The following SOX5 variants were observed in gnomAD, a reference collection of about 807,000 sequenced individuals.
SOX5 encodes SRY-box transcription factor 5.
In SOX5, 9 loss-of-function variants were observed where a neutral mutation model predicts 92.0. The ratio of observed to expected loss-of-function variants is 0.10; its 90% CI spans 0.06 to 0.17. SOX5 has a LOEUF of 0.17. Among genes scored for constraint, SOX5 ranks in the 10% least tolerant of loss-of-function variants. The pLI, the probability that SOX5 is intolerant of heterozygous loss-of-function variation, is 1.00. For missense variants in SOX5, 642 were observed against 944.5 expected (o/e 0.68, Z 4.20); for synonymous variants, 344 against 336.3 (o/e 1.02, Z -0.25).
Position 24,148,688 on chromosome 12 carries a change from TAAAA to T in SOX5, c.-2+64651_-2+64654del, listed in dbSNP as rs398018872. On this transcript the variant is annotated intron_variant, in intron 4 of 4. Coordinates refer to the SOX5 transcript ENST00000446891. The stretch of plus-strand genomic sequence containing the variant: ...AACATAGTGAGACCCCCATCTCTAC[TAAAA>T]AAAAAAAAAAAAAAAAAAAAAAAAG... 2.3e-3 allele frequency among the ~76,000 whole-genome samples: 161 copies of T among 70,934 alleles called. 1 individual carries two copies. Among genetic ancestry groups the T allele is most frequent in the African/African-American group, 0.012 (140 of 11,614 alleles). The allele number at this position is 70,934 out of a possible 152,430, so 46.5% of individuals were successfully genotyped here.
chr12:24,048,888 A>G (rs533663712), intron 4 of SOX5, among the ~76,000 whole-genome samples: 37 of 152,326 alleles, frequency 2.4e-4, no homozygotes, highest in African/African-American at 8.7e-4. Context: ...GTGACTGTTA[A>G]TAAGCATGGG....
chr12:24,128,065 A>G (rs1949284163), intron 4 of SOX5, among the ~76,000 whole-genome samples: 1 of 152,100 alleles, frequency 6.6e-6, no homozygotes, highest in Admixed American at 6.5e-5. Flanking sequence ...TAAGCATTCA[A>G]CCTCAGTTAA....
intron 3 of SOX5, among the ~76,000 whole-genome samples, chr12:23,828,185 G>A (rs2096262466): frequency 6.6e-6 from 1 of 152,140 alleles, no homozygotes; most frequent in African/African-American, 2.4e-5. Context: ...TACTGTACAG[G>A]CTTGGAGCCT....
chr12:24,241,456 G>C (rs547318541), intron 3 of SOX5, among the ~76,000 whole-genome samples: 2 of 152,204 alleles, frequency 1.3e-5, no homozygotes, highest in African/African-American at 4.8e-5. Flanking sequence ...TCCTGGCCAG[G>C]AGTATGTCAA....
chr12:24,101,924 C>T (rs965731424), intron 4 of SOX5, among the ~76,000 whole-genome samples: 5 of 152,256 alleles, frequency 3.3e-5, no homozygotes, highest in Non-Finnish European at 5.9e-5. Flanking sequence ...CATCTGCATA[C>T]TGTTATCTTC....
intron 1 of SOX5, among the ~76,000 whole-genome samples, chr12:24,551,297 A>G (rs1490102887): frequency 2.0e-5 from 3 of 152,152 alleles, no homozygotes; most frequent in Admixed American, 1.3e-4. Flanking sequence ...GTGGATTTTC[A>G]TAACAGTAAA....
At chr12:24,551,887 T>C (rs1425324848) in intron 1 of SOX5, among the ~76,000 whole-genome samples, 9 of 152,250 alleles carry the variant, frequency 5.9e-5, no homozygotes, top group Non-Finnish European at 2.9e-5. Flanking sequence ...TCTCTCCTTC[T>C]GTGTGTTTTT....
chr12:24,526,038 C>T lies in SOX5; in HGVS notation c.-251+36291G>A, dbSNP rs530444200. ...AGCACGCACCACCATGCCCGGCTAACTTTTGTACTTTCTGTAGAGACAGGA... is the reference window on the plus strand; with the variant it reads ...AGCACGCACCACCATGCCCGGCTAATTTTTGTACTTTCTGTAGAGACAGGA... On this transcript the variant is annotated intron_variant, in intron 1 of 4. Coordinates refer to the SOX5 transcript ENST00000446891. Among the ~76,000 whole-genome samples the T allele has an allele frequency of 3.3e-5, 5 of 152,016 alleles. No individual in the cohort carries two copies. In the East Asian group the frequency reaches 9.7e-4, roughly 30 times the overall value.
intron 4 of SOX5, among the ~76,000 whole-genome samples, chr12:24,170,771 G>A (rs1027387800): frequency 1.3e-5 from 2 of 152,184 alleles, no homozygotes; most frequent in Non-Finnish European, 2.9e-5. Flanking sequence ...TTTCAGTAGT[G>A]TAGTCAAAGT....
At chr12:24,267,248 A>G (rs1167470892) in intron 3 of SOX5, among the ~76,000 whole-genome samples, 1 of 152,096 alleles carries the variant, frequency 6.6e-6, no homozygotes, top group Non-Finnish European at 1.5e-5. Flanking sequence ...AAACAAACAA[A>G]CAAAAACCTT....
chr12:24,081,754 C>T (rs1185463700), intron 4 of SOX5, among the ~76,000 whole-genome samples: 1 of 151,978 alleles, frequency 6.6e-6, no homozygotes, highest in East Asian at 1.9e-4. Context: ...TTTCAAGGGT[C>T]TCTACTGTAC....
At chr12:24,483,714 AC>A (rs1363401165) in intron 1 of SOX5, among the ~76,000 whole-genome samples, 1 of 152,164 alleles carries the variant, frequency 6.6e-6, no homozygotes, top group Non-Finnish European at 1.5e-5. Flanking sequence ...ACACTTAGCT[AC>A]CCTGTGACAA....
chr12:23,749,509 G>A (rs2094116677), intron 4 of SOX5, among the ~76,000 whole-genome samples: 1 of 151,884 alleles, frequency 6.6e-6, no homozygotes, highest in Non-Finnish European at 1.5e-5. Flanking sequence ...CCATTAGAGT[G>A]AATAAAATAA....
intron 4 of SOX5, among the ~76,000 whole-genome samples, chr12:24,149,510 C>T (rs1951445074): frequency 6.6e-6 from 1 of 152,064 alleles, no homozygotes; most frequent in Non-Finnish European, 1.5e-5. Context: ...ATAAACCTAT[C>T]CATTAGAATG....
chr12:24,532,374 G>A (rs1255545799), intron 1 of SOX5, among the ~76,000 whole-genome samples: 2 of 152,154 alleles, frequency 1.3e-5, no homozygotes, highest in East Asian at 1.9e-4. Flanking sequence ...AAACAACTAC[G>A]TGGGGGTCAC....
At chr12:23,800,698 G>T (rs1480068771) in intron 3 of SOX5, among the ~76,000 whole-genome samples, 2 of 152,036 alleles carry the variant, frequency 1.3e-5, no homozygotes, top group Non-Finnish European at 2.9e-5. Context: ...TACATTTGGG[G>T]GAAAAGAGCC....
intron 4 of SOX5, among the ~76,000 whole-genome samples, chr12:24,028,399 A>C (rs1422161293): frequency 6.6e-6 from 1 of 151,998 alleles, no homozygotes; most frequent in Admixed American, 6.6e-5. Flanking sequence ...CAGAGTTTTA[A>C]AGTAGTAATA....
chr12:24,128,515 CGAAACTT>C (rs1223266095), intron 4 of SOX5, among the ~76,000 whole-genome samples: 1 of 152,110 alleles, frequency 6.6e-6, no homozygotes, highest in African/African-American at 2.4e-5. Context: ...AAAGACCTCT[CGAAACTT>C]GATATTTTGG....
At position 24,150,840 on chromosome 12, in the gene SOX5, G is replaced by T. The variant is rs116133548; in HGVS notation, c.-2+62503C>A. On this transcript the variant is annotated intron_variant, in intron 4 of 4. Transcript: ENST00000446891. The stretch of plus-strand genomic sequence containing the variant: ...CTGGGGTCTTGGTTAGAACAGAATG[G>T]TTGCAGGGCTGGTGGCAAAGGCAAG... Among the ~76,000 whole-genome samples, 806 of 152,024 alleles carry T rather than the reference G, an allele frequency of 5.3e-3. 5 individuals are homozygous for T. Among genetic ancestry groups the T allele is most frequent in the African/African-American group, 0.019 (773 of 41,504 alleles).
Sources: gnomAD v4.1 joint callset for allele counts (sites outside exome capture counted in the v4.1 genomes callset) on GRCh38, gnomAD v4.1.1 for gene constraint, MANE v1.5 for transcripts, NCBI Gene and HGNC (gene_info 2026-07-23, HGNC 2026-07-21) for gene names.